The following FMN2 variants were observed in gnomAD, a reference collection of about 807,000 sequenced individuals.
The protein encoded by FMN2 is formin-2.
In FMN2, 51 loss-of-function variants were observed where a neutral mutation model predicts 142.3. That is an observed-to-expected ratio of 0.36 (90% confidence interval 0.29 to 0.45). The LOEUF (loss-of-function observed/expected upper bound fraction) is 0.45. Ranked by LOEUF, FMN2 falls within the 20% of genes least tolerant of loss-of-function variation. The pLI is 1.00. For missense variants in FMN2, 1,936 were observed against 2,122.8 expected (o/e 0.91, Z 1.73); for synonymous variants, 882 against 869.8 (o/e 1.01, Z -0.25).
intron 2 of FMN2, among the ~76,000 whole-genome samples, chr1:240,130,469 A>G (rs899712009): frequency 6.6e-6 from 1 of 152,006 alleles, no homozygotes; most frequent in Admixed American, 6.6e-5. Context: ...CGCCCGGCTA[A>G]TTTTTTGTAT....
intron 7 of FMN2, among the ~76,000 whole-genome samples, chr1:240,294,142 A>C (rs1669886977): frequency 6.6e-6 from 1 of 152,200 alleles, no homozygotes; most frequent in Admixed American, 6.6e-5. Flanking sequence ...TAAAGCAAGT[A>C]ATAAAGCACA....
Position 240,092,399 on chromosome 1 carries a change from T to C in FMN2, c.290T>C (p.Val97Ala), listed in dbSNP as rs1661010908. 1 of 1,612,626 alleles carries C rather than the reference T, an allele frequency of 6.2e-7. No homozygotes were observed. Among genetic ancestry groups the C allele is most frequent in the African/African-American group, 1.3e-5 (1 of 74,838 alleles). ...GGCGCCGGCGGCTCCCGCGAAGATGTACTGGATTCCCAGGCCCTGCAGACC... is the reference window on the plus strand; with the variant it reads ...GGCGCCGGCGGCTCCCGCGAAGATGCACTGGATTCCCAGGCCCTGCAGACC... ...GKGAGGSRED[V>A]LDSQALQTGE... Residue 97 changes from valine to alanine, a missense_variant, in exon 1 of 18, where the codon GTA becomes GCA. Around this residue, in one of 8 missense-constraint regions of FMN2, gnomAD observed 751 missense variants for 791.8 expected, o/e 0.95. Coordinates refer to ENST00000319653, the MANE Select transcript of FMN2 (RefSeq NM_020066.5).
chr1:240,345,119 GC>G (rs1169812880), intron 13 of FMN2, among the ~76,000 whole-genome samples: 4 of 152,266 alleles, frequency 2.6e-5, no homozygotes, highest in East Asian at 3.9e-4. Context: ...AGATGATTCA[GC>G]TAAAATGAAT....
chr1:240,166,096 A>G (rs1482101845), intron 2 of FMN2, among the ~76,000 whole-genome samples: 2 of 150,768 alleles, frequency 1.3e-5, no homozygotes, highest in African/African-American at 2.4e-5. Context: ...TCCCTTCAAG[A>G]TATATATAAA....
chr1:240,416,759 C>CT (rs34713509), intron 15 of FMN2, among the ~76,000 whole-genome samples: 16 of 148,518 alleles, frequency 1.1e-4, no homozygotes, highest in East Asian at 4.1e-4. Context: ...TCTCTCTCTT[C>CT]TTTTTTTTTT....
intron 2 of FMN2, among the ~76,000 whole-genome samples, chr1:240,154,107 C>CAAAAAAAA (rs3047182): frequency 1.8e-5 from 1 of 55,308 alleles, no homozygotes; most frequent in Non-Finnish European, 3.4e-5. Context: ...GAGATTCCAT[C>CAAAAAAAA]AAAAAAAAAA....
intron 6 of FMN2, among the ~76,000 whole-genome samples, chr1:240,251,816 C>T (rs1002125295): frequency 5.3e-5 from 8 of 152,244 alleles, no homozygotes; most frequent in Admixed American, 2.6e-4. Flanking sequence ...TCTTTATAAG[C>T]GGAAAGTTTA....
rs761603709 is a variant in FMN2, at chr1:240,207,237, C to G, written c.2425C>G (p.Gln809Glu). 1.2e-6 allele frequency: 2 copies of G among 1,614,030 alleles called. No homozygotes were observed. Among genetic ancestry groups the G allele is most frequent in the South Asian group, 2.2e-5 (2 of 91,084 alleles). Residue 809 changes from glutamine to glutamate, a missense_variant, in exon 5 of 18, where the codon CAG (glutamine) becomes GAG (glutamate). Physicochemically the swap from Gln to Glu is conservative, Grantham distance 29. Around this residue, in one of 8 missense-constraint regions of FMN2, gnomAD observed 478 missense variants for 462.8 expected, o/e 1.03. Coordinates refer to ENST00000319653, the MANE Select transcript of FMN2 (RefSeq NM_020066.5). ...DSHQPTQSIS[Q>E]PPPPPSLLWS... ...CCATCAGCCCACACAGAGCATCTCA[C>G]AGCCTCCACCACCTCCATCCCTTCT...
intron 2 of FMN2, among the ~76,000 whole-genome samples, chr1:240,137,636 T>C (rs1264952557): frequency 1.3e-5 from 2 of 152,190 alleles, no homozygotes; most frequent in Admixed American, 1.3e-4. Flanking sequence ...CCTTTTCTTG[T>C]TCTTGTGTAG....
chr1:240,117,390 G>T (rs1662066075), intron 1 of FMN2, among the ~76,000 whole-genome samples: 1 of 152,210 alleles, frequency 6.6e-6, no homozygotes, highest in South Asian at 2.1e-4. Context: ...CAACACCTGT[G>T]TGGCTTTCTT....
intron 1 of FMN2, among the ~76,000 whole-genome samples, chr1:240,117,097 T>G (rs1662054382): frequency 2.0e-5 from 3 of 152,088 alleles, no homozygotes; most frequent in Admixed American, 2.0e-4. Context: ...CAATAAGGAA[T>G]TCAGCTCAGA....
At chr1:240,314,757 C>T (rs755288101) in intron 8 of FMN2, among the ~76,000 whole-genome samples, 11 of 152,122 alleles carry the variant, frequency 7.2e-5, no homozygotes, top group African/African-American at 1.9e-4. Context: ...GGTCTTTGCT[C>T]AGGAGAACAT....
rs543705902 is a variant in FMN2 at position 240,280,917 on chromosome 1, C to T, written c.4154-13905C>T. Among the ~76,000 whole-genome samples the T allele has an allele frequency of 7.2e-5, 11 of 152,148 alleles. No individual in the cohort carries two copies. The South Asian group carries it at 1.7e-3, about 23-fold the overall frequency. On this transcript the variant is annotated intron_variant, in intron 7 of 17. Coordinates refer to ENST00000319653, the MANE Select transcript of FMN2 (RefSeq NM_020066.5). Reference sequence around the variant, plus strand: ...CAAAAACAGAAATGAAATACAATATCGCTAGATTAAACAGTCTACAATGGT... The same window carrying T: ...CAAAAACAGAAATGAAATACAATATTGCTAGATTAAACAGTCTACAATGGT...
chr1:240,241,698 C>T (rs780927650), intron 6 of FMN2, among the ~76,000 whole-genome samples: 11 of 152,050 alleles, frequency 7.2e-5, no homozygotes, highest in South Asian at 6.2e-4. Flanking sequence ...AAGGCTATGG[C>T]GCTACTCCTC....
At chr1:240,106,184 C>T (rs1661599820) in intron 1 of FMN2, among the ~76,000 whole-genome samples, 1 of 152,072 alleles carries the variant, frequency 6.6e-6, no homozygotes, top group Admixed American at 6.6e-5. Context: ...TCTTAGATTG[C>T]CTTCTGCCTT....
chr1:240,341,060 A>G (rs1449641612), intron 13 of FMN2, among the ~76,000 whole-genome samples: 2 of 152,124 alleles, frequency 1.3e-5, no homozygotes, highest in Non-Finnish European at 2.9e-5. Flanking sequence ...ACCTTTTGCT[A>G]TTATCTTCAT....
chr1:240,460,552 G>C (rs1433976117), intron 16 of FMN2, among the ~76,000 whole-genome samples: 1 of 152,046 alleles, frequency 6.6e-6, no homozygotes. Context: ...ACTCCTGCCT[G>C]GGTGACAGAG....
chr1:240,329,530 T>C, intron 10 of FMN2, 62 bp downstream of exon 10: 1 of 1,564,078 alleles, frequency 6.4e-7, no homozygotes. Flanking sequence ...AGCCATGTTC[T>C]TATTTCAGAA....
intron 7 of FMN2, among the ~76,000 whole-genome samples, chr1:240,269,542 CAAAT>C (rs1278861327): frequency 6.6e-6 from 1 of 151,834 alleles, no homozygotes; most frequent in African/African-American, 2.4e-5. Flanking sequence ...TTTGTGGTTT[CAAAT>C]AAATTTTAGG....
Sources: allele counts gnomAD v4.1 joint callset (sites outside exome capture counted in the v4.1 genomes callset), GRCh38; gene constraint gnomAD v4.1.1; regional missense constraint gnomAD v4.1.1; transcripts MANE v1.5; gene names NCBI Gene and HGNC (gene_info 2026-07-23, HGNC 2026-07-21).